Variants in RTN1 observed in about 807,000 individuals in gnomAD.
The protein encoded by RTN1 is reticulon-1.
Under a neutral mutation model 65.5 loss-of-function variants are expected in RTN1, and 25 were observed. That is an observed-to-expected ratio of 0.38 (90% CI 0.28 to 0.53). RTN1 has a LOEUF of 0.53. Ranked by LOEUF, RTN1 falls within the 20% of genes least tolerant of loss-of-function variation. The pLI, the probability that RTN1 is intolerant of heterozygous loss-of-function variation, is 0.79. For missense variants in RTN1, 983 were observed against 1,025.4 expected (o/e 0.96, Z 0.57); for synonymous variants, 471 against 447.6 (o/e 1.05, Z -0.66).
rs527239440 is a variant in RTN1, at chr14:59,792,563, G to A, written c.242-46082C>T. ...TTAGTATCATCAGGGATTTAAAGGA[G>A]GGCCAACATCAACAATATTCTCAAT... On this transcript the variant is annotated intron_variant, in intron 1 of 8. Coordinates refer to ENST00000267484, the MANE Select transcript of RTN1 (RefSeq NM_021136.3). 6.6e-5 allele frequency among the ~76,000 whole-genome samples: 10 copies of A among 152,142 alleles called. No homozygotes were observed. In the South Asian group the frequency reaches 2.1e-3, roughly 32 times the overall value.
chr14:59,758,751 T>C (rs975077668), intron 1 of RTN1, among the ~76,000 whole-genome samples: 1 of 152,214 alleles, frequency 6.6e-6, no homozygotes, highest in Non-Finnish European at 1.5e-5. Context: ...CTTTGCACAG[T>C]CTGTGCAAAG....
intron 1 of RTN1, among the ~76,000 whole-genome samples, chr14:59,773,927 G>A (rs1886005087): frequency 6.6e-6 from 1 of 152,072 alleles, no homozygotes; most frequent in South Asian, 2.1e-4. Context: ...GTGACTAAAA[G>A]GAATATTTTA....
intron 3 of RTN1, among the ~76,000 whole-genome samples, chr14:59,662,337 T>G (rs1883268689): frequency 8.6e-6 from 1 of 115,872 alleles, no homozygotes. Flanking sequence ...CAGGCCCCGG[T>G]GTGTGATGTC....
chr14:59,716,971 A>G (rs1884547667), intron 3 of RTN1, among the ~76,000 whole-genome samples: 1 of 105,154 alleles, frequency 9.5e-6, no homozygotes, highest in Non-Finnish European at 1.8e-5. Flanking sequence ...CCATCTCAAC[A>G]AACAAACAAA....
intron 4 of RTN1, among the ~76,000 whole-genome samples, chr14:59,606,779 G>A (rs1881771335): frequency 6.6e-6 from 1 of 152,198 alleles, no homozygotes; most frequent in South Asian, 2.1e-4. Context: ...AAAATGTAGA[G>A]GAGGATACAT....
intron 1 of RTN1, among the ~76,000 whole-genome samples, chr14:59,787,176 T>C (rs1382871983): frequency 6.6e-6 from 1 of 152,174 alleles, no homozygotes; most frequent in African/African-American, 2.4e-5. Context: ...TGATTTGCAC[T>C]GGCCCAGGAA....
At chr14:59,597,472 A>C (rs1881438223) in intron 8 of RTN1, among the ~76,000 whole-genome samples, 1 of 152,174 alleles carries the variant, frequency 6.6e-6, no homozygotes, top group Admixed American at 6.5e-5. Context: ...GTGTTTTGTT[A>C]ATTTGAAGAT....
chr14:59,752,997 G>C (rs937797246), intron 1 of RTN1, among the ~76,000 whole-genome samples: 1 of 152,150 alleles, frequency 6.6e-6, no homozygotes, highest in African/African-American at 2.4e-5. Flanking sequence ...AGTTGGATGA[G>C]ACAACTGCAG....
chr14:59,723,313 C>T (rs186270849), intron 3 of RTN1, among the ~76,000 whole-genome samples: 1 of 152,090 alleles, frequency 6.6e-6, no homozygotes, highest in African/African-American at 2.4e-5. Context: ...TCGTCTAAAA[C>T]CCTGCTACCC....
rs1293949089 is a variant in RTN1, at chr14:59,854,611, A to C, written c.241+15779T>G. Among the ~76,000 whole-genome samples, 3 of 137,338 alleles carry C rather than the reference A, an allele frequency of 2.2e-5. No individual in the cohort carries two copies. The East Asian group carries it at 6.9e-4, about 32-fold the overall frequency. 90.1% of individuals were successfully genotyped at this position (137,338 alleles called of 152,430 possible). A position where few individuals can be genotyped will look rare whatever the true frequency, so the allele number is the denominator to read the frequency against. On this transcript the variant is annotated intron_variant, in intron 1 of 8. Transcript: ENST00000267484. ...AGCCGAGATCATGCCACTGCACTCCAGCCTGGAGACAGAGCAAGACTGCGT... is the reference window on the plus strand; with the variant it reads ...AGCCGAGATCATGCCACTGCACTCCCGCCTGGAGACAGAGCAAGACTGCGT...
intron 1 of RTN1, among the ~76,000 whole-genome samples, chr14:59,785,638 A>G (rs533579090): frequency 6.6e-6 from 1 of 152,322 alleles, no homozygotes; most frequent in South Asian, 2.1e-4. Context: ...CACACCCTCT[A>G]TGCCATAACT....
chr14:59,747,519 G>A (rs1262278629), intron 1 of RTN1, among the ~76,000 whole-genome samples: 3 of 152,194 alleles, frequency 2.0e-5, no homozygotes, highest in Non-Finnish European at 4.4e-5. Context: ...TGATGCAGGA[G>A]AATTGCTTGA....
chr14:59,762,788 C>A (rs1009590690), intron 1 of RTN1, among the ~76,000 whole-genome samples: 4 of 152,162 alleles, frequency 2.6e-5, no homozygotes, highest in African/African-American at 9.7e-5. Flanking sequence ...TTTCTGAGTT[C>A]AAAAACTCAT....
At chr14:59,750,209 A>ATATT (rs1256259675) in intron 1 of RTN1, among the ~76,000 whole-genome samples, 1 of 29,002 alleles carries the variant, frequency 3.4e-5, no homozygotes, top group Admixed American at 7.6e-4. Flanking sequence ...TATAATATAT[A>ATATT]ATATATATAT....
intron 1 of RTN1, among the ~76,000 whole-genome samples, chr14:59,804,966 G>A (rs1886610929): frequency 6.6e-6 from 1 of 152,204 alleles, no homozygotes; most frequent in African/African-American, 2.4e-5. Context: ...CCCCAAGCAG[G>A]TCACAGATCT....
At chr14:59,704,872 T>C (rs1049249849) in intron 3 of RTN1, among the ~76,000 whole-genome samples, 12 of 152,070 alleles carry the variant, frequency 7.9e-5, no homozygotes, top group Non-Finnish European at 1.2e-4. Flanking sequence ...CAACTGAACA[T>C]ACTGGGTTGG....
At chr14:59,612,387 G>C (rs932474392) in intron 3 of RTN1, among the ~76,000 whole-genome samples, 5 of 152,122 alleles carry the variant, frequency 3.3e-5, no homozygotes, top group African/African-American at 1.2e-4. Context: ...AAAAGGGTAA[G>C]AAATTCTTAC....
Position 59,605,506 on chromosome 14 carries a change from C to T in RTN1, c.1974G>A (p.Lys658=). 6.2e-7 allele frequency: 1 copy of T among 1,613,402 alleles called. No individual in the cohort carries two copies. ...VQKTDEGHPF[K]AYLELEITLS... Reference sequence around the variant, plus strand: ...GGGTGATCTCAAGCTCCAAGTAGGCCCTGTCAACAAACCATTCCCACAGAA... The same window carrying T: ...GGGTGATCTCAAGCTCCAAGTAGGCTCTGTCAACAAACCATTCCCACAGAA... The change falls in exon 5 of 9, where the codon AAG becomes AAA. Residue 658 remains lysine, a splice_region_variant and synonymous_variant. Transcript: ENST00000267484.
chr14:59,630,453 T>C (rs983853986), intron 3 of RTN1: 5 of 1,613,596 alleles, frequency 3.1e-6, no homozygotes, highest in Non-Finnish European at 4.2e-6. Flanking sequence ...TACCCTGACT[T>C]TTCCAGTTGC....
Sources: gnomAD v4.1 joint callset for allele counts (sites outside exome capture counted in the v4.1 genomes callset) on GRCh38, gnomAD v4.1.1 for gene constraint, MANE v1.5 for transcripts, NCBI Gene and HGNC (gene_info 2026-07-23, HGNC 2026-07-21) for gene names.